Variants in GRM1 observed in about 807,000 individuals in gnomAD.
GRM1 encodes metabotropic glutamate receptor 1.
Under a neutral mutation model 90.9 loss-of-function variants are expected in GRM1, and 33 were observed. The ratio of observed to expected loss-of-function variants is 0.36; its 90% confidence interval spans 0.28 to 0.49. The LOEUF (loss-of-function observed/expected upper bound fraction) is 0.49. GRM1 is among the 20% of genes least tolerant of loss of function. The probability of loss-of-function intolerance (pLI) is 0.99; values close to 1 mark genes in which losing one functional copy is unlikely to be tolerated. For synonymous variants in GRM1, 700 were observed against 613.2 expected (o/e 1.14, Z -2.09); for missense variants, 1,190 against 1,534.3 (o/e 0.78, Z 3.75).
intron 3 of GRM1, among the ~76,000 whole-genome samples, chr6:146,329,376 G>A (rs1784509121): frequency 6.6e-6 from 1 of 152,124 alleles, no homozygotes; most frequent in South Asian, 2.1e-4. Context: ...ATTCCACAGT[G>A]GAGGACAGGG....
At chr6:146,321,849 T>G (rs1338993414) in intron 3 of GRM1, among the ~76,000 whole-genome samples, 1 of 152,200 alleles carries the variant, frequency 6.6e-6, no homozygotes, top group Admixed American at 6.5e-5. Context: ...ATTTTGAACT[T>G]ATGTGTGTCT....
chr6:146,338,254 C>T (rs1784845839), intron 3 of GRM1, among the ~76,000 whole-genome samples: 1 of 152,132 alleles, frequency 6.6e-6, no homozygotes, highest in Non-Finnish European at 1.5e-5. Flanking sequence ...TGCTATGAAT[C>T]GGCTTTTTCA....
intron 1 of GRM1, among the ~76,000 whole-genome samples, chr6:146,071,737 T>C (rs79776770): frequency 0.01 from 1,556 of 152,212 alleles, 27 homozygotes; most frequent in East Asian, 0.07. Flanking sequence ...ACAGTCATGA[T>C]AAAACCTTGA....
chr6:146,288,075 T>G (rs984814000), intron 2 of GRM1, among the ~76,000 whole-genome samples: 2 of 152,194 alleles, frequency 1.3e-5, no homozygotes, highest in African/African-American at 4.8e-5. Flanking sequence ...ATCTGGGTAC[T>G]TGGTCAATGA....
At chr6:146,330,242 C>T (rs556966792) in intron 3 of GRM1, among the ~76,000 whole-genome samples, 1 of 151,992 alleles carries the variant, frequency 6.6e-6, no homozygotes, top group Admixed American at 6.6e-5. Context: ...TTTCTTTTTT[C>T]TTGTTAAATG....
Position 146,314,455 on chromosome 6 carries a change from G to A in GRM1, c.1186+9609G>A, listed in dbSNP as rs573348934. Among the ~76,000 whole-genome samples the A allele has an allele frequency of 4.6e-5, 7 of 152,124 alleles. No homozygotes were observed. In the South Asian group the frequency reaches 1.5e-3, roughly 32 times the overall value. The stretch of plus-strand genomic sequence containing the variant: ...ACATTTGAGTTGTTTCCAGGTTTTG[G>A]TTATTTCAAATAAAGCTGCTATGAA... On this transcript the variant is annotated intron_variant, in intron 3 of 7. Transcript: ENST00000282753.
chr6:146,119,751 A>C (rs1465195623), intron 1 of GRM1, among the ~76,000 whole-genome samples: 1 of 152,160 alleles, frequency 6.6e-6, no homozygotes, highest in Non-Finnish European at 1.5e-5. Context: ...AGATGGTTGT[A>C]GATATGCGGC....
intron 7 of GRM1, among the ~76,000 whole-genome samples, chr6:146,416,800 T>C (rs1032445984): frequency 6.6e-6 from 1 of 152,198 alleles, no homozygotes; most frequent in Non-Finnish European, 1.5e-5. Flanking sequence ...CTCTAATCCT[T>C]TGAAAGTCTT....
intron 5 of GRM1, among the ~76,000 whole-genome samples, chr6:146,358,297 G>T (rs1395384704): frequency 1.3e-5 from 2 of 152,170 alleles, no homozygotes; most frequent in African/African-American, 4.8e-5. Context: ...CAACAAACAA[G>T]CATCAAATCC....
chr6:146,269,966 T>TA (rs56387936), intron 2 of GRM1, among the ~76,000 whole-genome samples: 2,497 of 138,546 alleles, frequency 0.018, 21 homozygotes, highest in African/African-American at 0.02. Context: ...AATGTTTAAA[T>TA]AAAAAAAAAA....
intron 2 of GRM1, among the ~76,000 whole-genome samples, chr6:146,245,316 C>T (rs965016485): frequency 2.0e-5 from 3 of 152,128 alleles, no homozygotes; most frequent in East Asian, 1.9e-4. Flanking sequence ...TTCTTTTCTT[C>T]CTGAACTGTT....
intron 5 of GRM1, among the ~76,000 whole-genome samples, chr6:146,384,976 A>C (rs913310362): frequency 6.6e-6 from 1 of 152,042 alleles, no homozygotes; most frequent in Non-Finnish European, 1.5e-5. Flanking sequence ...TTAAAAGCTA[A>C]AAGAAATGAG....
At position 146,264,218 on chromosome 6, in the gene GRM1, GCTTA is replaced by G. The variant is rs371941136; in HGVS notation, c.951-40390_951-40387del. On this transcript the variant is annotated intron_variant, in intron 2 of 7. Coordinates refer to ENST00000282753, the MANE Select transcript of GRM1 (RefSeq NM_001278064.2). ...GAGGACTGTATGGTTTGGAAATTTT[GCTTA>G]CTGTCCTATAGAAGAAATCAAACGG... 1.7e-3 allele frequency among the ~76,000 whole-genome samples: 258 copies of G among 152,150 alleles called. 1 individual carries two copies. The highest frequency in any genetic ancestry group is 5.9e-3 in the African/African-American group (246 of 41,560).
At chr6:146,419,626 A>T (rs1777915630) in intron 7 of GRM1, among the ~76,000 whole-genome samples, 1 of 152,210 alleles carries the variant, frequency 6.6e-6, no homozygotes, top group Non-Finnish European at 1.5e-5. Context: ...CCACAGGCTT[A>T]ACAGGAATCA....
chr6:146,243,146 G>A (rs1054788583), intron 2 of GRM1, among the ~76,000 whole-genome samples: 1 of 152,116 alleles, frequency 6.6e-6, no homozygotes, highest in African/African-American at 2.4e-5. Context: ...TTATATTAGT[G>A]AAACTGTTGT....
intron 2 of GRM1, among the ~76,000 whole-genome samples, chr6:146,255,698 C>T (rs527777231): frequency 5.3e-5 from 8 of 152,142 alleles, no homozygotes; most frequent in Non-Finnish European, 1.0e-4. Flanking sequence ...TCTCTTTTTA[C>T]AAATGTTCTC....
chr6:146,367,949 CTT>C (rs145922242), intron 5 of GRM1, among the ~76,000 whole-genome samples: 3,251 of 152,058 alleles, frequency 0.021, 110 homozygotes, highest in African/African-American at 0.075. Context: ...CTGTAGATCA[CTT>C]TGGGTAGTAT....
chr6:146,271,632 C>A (rs1387384821), intron 2 of GRM1, among the ~76,000 whole-genome samples: 2 of 152,168 alleles, frequency 1.3e-5, no homozygotes. Flanking sequence ...GTTTTGTAAG[C>A]ATAGAATTGC....
At chr6:146,386,426 A>G (rs1221113173) in intron 5 of GRM1, among the ~76,000 whole-genome samples, 5 of 152,050 alleles carry the variant, frequency 3.3e-5, no homozygotes, top group Non-Finnish European at 5.9e-5. Flanking sequence ...AAATTGTCTA[A>G]TAATTCAGTT....
Sources: allele counts gnomAD v4.1 joint callset (sites outside exome capture counted in the v4.1 genomes callset), GRCh38; gene constraint gnomAD v4.1.1; transcripts MANE v1.5; gene names NCBI Gene and HGNC (gene_info 2026-07-23, HGNC 2026-07-21).